LARS1: variants seen among roughly 807,000 people sequenced by gnomAD.
LARS1 encodes leucyl-tRNA synthetase 1, also known as leucine--tRNA ligase, cytoplasmic.
A neutral mutation model predicts 162.8 loss-of-function variants in LARS1; 100 were observed. The ratio of observed to expected loss-of-function variants is 0.61; its 90% CI spans 0.52 to 0.73. The LOEUF (loss-of-function observed/expected upper bound fraction) is 0.73. Among genes scored for constraint, LARS1 ranks in the 30% least tolerant of loss-of-function variants. The pLI, the probability that LARS1 is intolerant of heterozygous loss-of-function variation, is 0.00. For missense variants in LARS1, 1,258 were observed against 1,408.9 expected (o/e 0.89, Z 1.71); for synonymous variants, 457 against 462.8 (o/e 0.99, Z 0.16).
rs1355456813 is a variant in LARS1, at chr5:146,151,980, C to G, written c.1307G>C (p.Gly436Ala). ...GGTTACAGCAGAAAGATTTCCAAAA[C>G]CTGGGATTTCAATGACTGGCACCTG... Reference protein sequence around the residue: ...FEPVPVIEIPGFGNLSAVTIC... With the variant: ...FEPVPVIEIPAFGNLSAVTIC... The change falls in exon 14 of 32, where the codon GGT becomes GCT. Residue 436 changes from glycine to alanine, a missense_variant. Coordinates refer to ENST00000394434, the MANE Select transcript of LARS1 (RefSeq NM_020117.11). 1 of 1,614,052 alleles carries G rather than the reference C, an allele frequency of 6.2e-7. No homozygotes were observed. Among genetic ancestry groups the G allele is most frequent in the South Asian group, 1.1e-5 (1 of 91,086 alleles).
chr5:146,168,831 T>C (rs1754134301), intron 4 of LARS1, among the ~76,000 whole-genome samples: 1 of 152,032 alleles, frequency 6.6e-6, no homozygotes, highest in African/African-American at 2.4e-5. Flanking sequence ...CTATATACCA[T>C]ATATATTAGA....
At chr5:146,168,813 A>G (rs1463950419) in intron 4 of LARS1, among the ~76,000 whole-genome samples, 1 of 152,100 alleles carries the variant, frequency 6.6e-6, no homozygotes, top group African/African-American at 2.4e-5. Flanking sequence ...AATATTCAAT[A>G]TAGTATACTA....
At position 146,153,207 on chromosome 5, in the gene LARS1, TC is replaced by T; in HGVS notation, c.1250del (p.Gly417GlufsTer27). The T allele has an allele frequency of 6.2e-7, 1 of 1,613,252 alleles. No individual in the cohort carries two copies. The highest frequency in any genetic ancestry group is 8.5e-7 in the Non-Finnish European group (1 of 1,179,514). On this transcript the variant is annotated frameshift_variant, in exon 13 of 32. Transcript: ENST00000394434. LOFTEE classifies it high-confidence loss of function. ...KKKQALRAKY[G>X]IRDDMVLPFE... Reference sequence around the variant, plus strand: ...ATGGCAAGACCATGTCATCTCTAATTCCATATTTTGCTCGTAAGGCCTACAG... The same window carrying T: ...ATGGCAAGACCATGTCATCTCTAATTCATATTTTGCTCGTAAGGCCTACAG...
rs371364401 is a variant in LARS1 at position 146,179,068 on chromosome 5, C to T, written c.7-1403G>A. Among the ~76,000 whole-genome samples, 126 of 152,204 alleles carry T rather than the reference C, an allele frequency of 8.3e-4. 4 individuals are homozygous for T. The South Asian group carries it at 0.025, about 30-fold the overall frequency. Reference sequence around the variant, plus strand: ...CCAATATGGCGAAACCCCATTTCTACTAAAAATACAAAAATTAGCCGGATG... The same window carrying T: ...CCAATATGGCGAAACCCCATTTCTATTAAAAATACAAAAATTAGCCGGATG... On this transcript the variant is annotated intron_variant, in intron 1 of 31. Coordinates refer to ENST00000394434, the MANE Select transcript of LARS1 (RefSeq NM_020117.11).
rs985938983 is a variant in LARS1 at position 146,128,869 on chromosome 5, G to A, written c.2770-87C>T. On this transcript the variant is annotated intron_variant, in intron 26 of 31. Transcript: ENST00000394434. Reference sequence around the variant, plus strand: ...ACCCTCCCCCAACATACACCACCACGGTCTTCACCATTAATGAAAATCTTT... The same window carrying A: ...ACCCTCCCCCAACATACACCACCACAGTCTTCACCATTAATGAAAATCTTT... 59 of 1,398,574 alleles carry A rather than the reference G, an allele frequency of 4.2e-5. No individual in the cohort carries two copies. In the South Asian group the frequency reaches 5.7e-4, roughly 13 times the overall value. 86.6% of individuals were successfully genotyped at this position (1,398,574 alleles called of 1,614,324 possible). A position where few individuals can be genotyped will look rare whatever the true frequency, so the allele number is the denominator to read the frequency against.
chr5:146,153,291 A>G (rs1284353448), intron 12 of LARS1, 64 bp from the exon 13 acceptor site: 39 of 1,151,926 alleles, frequency 3.4e-5, no homozygotes, highest in Non-Finnish European at 4.7e-5. Flanking sequence ...CATTGAGAGA[A>G]GCAATCTCCA....
chr5:146,181,848 C>CTTTTTTTTTTTTTTTTTTTTTTTTTTT lies in LARS1; in HGVS notation c.6+613_6+639dup, dbSNP rs34658033. On this transcript the variant is annotated intron_variant, in intron 1 of 31. Transcript: ENST00000394434. ...TTTACGGAGAGGCGCTCAATTTTTT[C>CTTTTTTTTTTTTTTTTTTTTTTTTTTT]TTTTTTTTTTTTTTTTTTTTTTTTT... is the stretch of plus-strand genomic sequence containing the variant. Among the ~76,000 whole-genome samples, 2 of 53,030 alleles carry CTTTTTTTTTTTTTTTTTTTTTTTTTTT rather than the reference C, an allele frequency of 3.8e-5. 1 individual carries two copies. Among genetic ancestry groups the CTTTTTTTTTTTTTTTTTTTTTTTTTTT allele is most frequent in the Non-Finnish European group, 6.6e-5 (2 of 30,314 alleles). The allele number at this position is 53,030 out of a possible 152,430, so 34.8% of individuals were successfully genotyped here. A position where few individuals can be genotyped will look rare whatever the true frequency, so the allele number is the denominator to read the frequency against.
intron 1 of LARS1, among the ~76,000 whole-genome samples, chr5:146,180,728 C>T (rs943765037): frequency 1.3e-5 from 2 of 152,074 alleles, no homozygotes; most frequent in African/African-American, 2.4e-5. Flanking sequence ...GATATTGGCC[C>T]AAACACCAAC....
intron 1 of LARS1, among the ~76,000 whole-genome samples, chr5:146,180,553 T>C (rs1023756574): frequency 1.3e-5 from 2 of 152,152 alleles, no homozygotes; most frequent in Non-Finnish European, 2.9e-5. Flanking sequence ...ATGTCACCCA[T>C]TGTAAAGAAG....
intron 31 of LARS1, among the ~76,000 whole-genome samples, chr5:146,118,707 G>T (rs995108893): frequency 4.6e-5 from 7 of 152,200 alleles, no homozygotes; most frequent in African/African-American, 1.7e-4. Context: ...GGGACTGGAG[G>T]GAAGGAGAAT....
At chr5:146,123,256 T>G (rs1264982243) in intron 29 of LARS1, among the ~76,000 whole-genome samples, 1 of 151,978 alleles carries the variant, frequency 6.6e-6, no homozygotes, top group African/African-American at 2.4e-5. Flanking sequence ...CTAGGACCAC[T>G]TTTTGAGTGC....
chr5:146,137,966 CA>C, intron 21 of LARS1: 1 of 156,252 alleles, frequency 6.4e-6, no homozygotes, highest in Non-Finnish European at 1.4e-5. Context: ...ACTAAAAATA[CA>C]AAAAAATGAG....
chr5:146,126,289 A>G lies in LARS1; in HGVS notation c.2991+146T>C, dbSNP rs1752038081. 9.3e-6 allele frequency: 5 copies of G among 539,592 alleles called. No homozygotes were observed. The Admixed American group carries it at 1.0e-4, about 11-fold the overall frequency. 33.4% of individuals were successfully genotyped at this position (539,592 alleles called of 1,614,324 possible). A position where few individuals can be genotyped will look rare whatever the true frequency, so the allele number is the denominator to read the frequency against. On this transcript the variant is annotated intron_variant, in intron 28 of 31. Transcript: ENST00000394434. ...TCCACAAGTAAACCCAAAATCTGAT[A>G]GATCATTTCTCTCAGTCATTGATTG...
chr5:146,116,722 G>A (rs1158031341), intron 31 of LARS1, among the ~76,000 whole-genome samples: 2 of 152,162 alleles, frequency 1.3e-5, no homozygotes, highest in Admixed American at 1.3e-4. Context: ...CATATGGCAT[G>A]GGTTGTGAGT....
chr5:146,168,030 C>A, intron 5 of LARS1, 98 bp downstream of exon 5: 4 of 1,020,168 alleles, frequency 3.9e-6, no homozygotes, highest in Non-Finnish European at 5.6e-6. Context: ...TGATCTAGTA[C>A]ATTTTATGTG....
At position 146,171,988 on chromosome 5, in the gene LARS1, A is replaced by T; in HGVS notation, c.216T>A (p.Phe72Leu). ...CTTTCAATCGCTGGTACCCTACAGCAAACTACAGAAATAAAATTAAATTTA... is the reference window on the plus strand; with the variant it reads ...CTTTCAATCGCTGGTACCCTACAGCTAACTACAGAAATAAAATTAAATTTA... Reference protein sequence around the residue: ...GHTFSLSKCEFAVGYQRLKGK... With the variant: ...GHTFSLSKCELAVGYQRLKGK... The change falls in exon 4 of 32, where the codon TTT becomes TTA. Residue 72 changes from phenylalanine to leucine, a missense_variant and splice_region_variant. Physicochemically the swap from Phe to Leu is conservative, Grantham distance 22. Coordinates refer to ENST00000394434, the MANE Select transcript of LARS1 (RefSeq NM_020117.11). 1 of 1,611,462 alleles carries T rather than the reference A, an allele frequency of 6.2e-7. No homozygotes were observed. Among genetic ancestry groups the T allele is most frequent in the Non-Finnish European group, 8.5e-7 (1 of 1,177,796 alleles).
At chr5:146,134,866 T>C (rs191963859) in intron 22 of LARS1, among the ~76,000 whole-genome samples, 203 of 152,018 alleles carry the variant, frequency 1.3e-3, no homozygotes, top group African/African-American at 4.7e-3. Flanking sequence ...CAAGAATCGC[T>C]TGAACCCTGG....
At chr5:146,155,955 A>G (rs62373785) in intron 10 of LARS1, among the ~76,000 whole-genome samples, 33,869 of 152,192 alleles carry the variant, frequency 0.22, 4,830 homozygotes, top group Admixed American at 0.34. Context: ...AAATTGTGGT[A>G]CAACCAAACA....
chr5:146,166,851 AT>A (rs68143478), intron 5 of LARS1, among the ~76,000 whole-genome samples: 91,014 of 151,544 alleles, frequency 0.6, 27,982 homozygotes, highest in Middle Eastern at 0.79. Context: ...TATATTAATT[AT>A]TTAAAAAAAA....
Sources: allele counts gnomAD v4.1 joint callset (sites outside exome capture counted in the v4.1 genomes callset), GRCh38; gene constraint gnomAD v4.1.1; transcripts MANE v1.5; gene names NCBI Gene and HGNC (gene_info 2026-07-23, HGNC 2026-07-21).